The following SEMA4F variants were observed in gnomAD, a reference collection of about 807,000 sequenced individuals.
The protein encoded by SEMA4F is semaphorin-4F.
In SEMA4F, 51 loss-of-function variants were observed where a neutral mutation model predicts 78.4. The observed-to-expected ratio is 0.65, with a 90% CI of 0.52 to 0.82. SEMA4F has a LOEUF of 0.82. Among genes scored for constraint, SEMA4F ranks in the 40% least tolerant of loss-of-function variants. The pLI, the probability that SEMA4F is intolerant of heterozygous loss-of-function variation, is 0.00. For synonymous variants in SEMA4F, 418 were observed against 408.7 expected (o/e 1.02, Z -0.27); for missense variants, 938 against 1,014.4 (o/e 0.92, Z 1.02).
At chr2:74,704,630 G>T in the SEMA4F span, among the ~76,000 whole-genome samples, 2 of 151,856 alleles carry the variant, frequency 1.3e-5, no homozygotes, top group Admixed American at 6.6e-5. Flanking sequence ...ATTATTAGGG[G>T]ACAAATATTG....
chr2:74,675,094 C>A, intron 9 of SEMA4F, 59 bp downstream of exon 9: 2 of 1,613,218 alleles, frequency 1.2e-6, no homozygotes, highest in Non-Finnish European at 1.7e-6. Context: ...AAGGCAAGAG[C>A]CCCACTAAGC....
intron 5 of SEMA4F, among the ~76,000 whole-genome samples, chr2:74,664,902 T>C (rs532371279): frequency 5.3e-4 from 81 of 152,354 alleles, no homozygotes; most frequent in African/African-American, 1.9e-3. Context: ...ACATTTTTTC[T>C]TAAAAATTTT....
Position 74,654,387 on chromosome 2 carries a change from C to G in SEMA4F, c.11C>G (p.Ser4Cys), listed in dbSNP as rs187477207. 1.7e-3 allele frequency: 2,565 copies of G among 1,515,152 alleles called. 20 individuals carry two copies. The highest frequency in any genetic ancestry group is 6.4e-3 in the African/African-American group (443 of 69,400). The allele number at this position is 1,515,152 out of a possible 1,614,324, so 93.9% of individuals were successfully genotyped here. ...CAGGCGGAGCCAAAGATGCCGGCCT[C>G]TGCTGCGCGGCCCCGCCCGGGTCCC... is the stretch of plus-strand genomic sequence containing the variant. MPA[S>C]AARPRPGPGQ... The change falls in exon 1 of 14, where the codon TCT (serine) becomes TGT (cysteine). Residue 4 changes from serine (S) to cysteine (C), a missense_variant. Transcript: ENST00000357877.
the SEMA4F span, among the ~76,000 whole-genome samples, chr2:74,693,422 C>T: frequency 2.6e-5 from 4 of 152,212 alleles, no homozygotes; most frequent in Non-Finnish European, 5.9e-5. Flanking sequence ...CATTGTTTTT[C>T]ACACTTCCTC....
chr2:74,664,049 C>T (rs1251154677), intron 5 of SEMA4F, among the ~76,000 whole-genome samples: 5 of 152,164 alleles, frequency 3.3e-5, no homozygotes, highest in Non-Finnish European at 5.9e-5. Context: ...TGGAGAATGA[C>T]TGTCTAATTT....
chr2:74,696,583 AG>A, the SEMA4F span, among the ~76,000 whole-genome samples: 1 of 152,136 alleles, frequency 6.6e-6, no homozygotes, highest in African/African-American at 2.4e-5. Context: ...GAAGGGGGTG[AG>A]GGATAAAAAA....
the SEMA4F span, among the ~76,000 whole-genome samples, chr2:74,704,234 C>T: frequency 6.6e-5 from 10 of 151,278 alleles, no homozygotes; most frequent in Admixed American, 6.6e-4. Context: ...AGAGGGGCAG[C>T]ATTATTGATC....
At position 74,675,734 on chromosome 2, in the gene SEMA4F, A is replaced by T. The variant is rs1685241717; in HGVS notation, c.1483-15A>T. On this transcript the variant is annotated splice_polypyrimidine_tract_variant and intron_variant, in intron 11 of 13. Transcript: ENST00000357877. Reference sequence around the variant, plus strand: ...GAGATCCAGTGTATTCCCCTTCCCCACTCCGTTTTTATAGAGCTGGCTCCT... The same window carrying T: ...GAGATCCAGTGTATTCCCCTTCCCCTCTCCGTTTTTATAGAGCTGGCTCCT... 1 of 1,613,128 alleles carries T rather than the reference A, an allele frequency of 6.2e-7. No homozygotes were observed. The highest frequency in any genetic ancestry group is 1.3e-5 in the African/African-American group (1 of 74,800).
the SEMA4F span, among the ~76,000 whole-genome samples, chr2:74,690,627 C>T: frequency 4.6e-5 from 7 of 151,938 alleles, no homozygotes; most frequent in African/African-American, 1.5e-4. Flanking sequence ...GTGATTTTTC[C>T]GGAGAAATAC....
chr2:74,702,820 G>A, the SEMA4F span, among the ~76,000 whole-genome samples: 2 of 152,124 alleles, frequency 1.3e-5, no homozygotes, highest in South Asian at 2.1e-4. Flanking sequence ...GATATTCTGA[G>A]CTAGAAATAA....
rs1456065099 is a variant in SEMA4F at position 74,658,194 on chromosome 2, G to A, written c.456+243G>A. On this transcript the variant is annotated intron_variant, in intron 4 of 13. Transcript: ENST00000357877. The surrounding 1 kb of genome is among the most constrained non-coding windows in gnomAD (Gnocchi z 4.3). ...GAGGGTAAGATATACAAAGTGTGAA[G>A]AGAGACATAGTGGGATAGTTAAGGA... 6.6e-6 allele frequency among the ~76,000 whole-genome samples: 1 copy of A among 152,220 alleles called. No homozygotes were observed. Among genetic ancestry groups the A allele is most frequent in the East Asian group, 1.9e-4 (1 of 5,198 alleles).
chr2:74,701,246 C>T, the SEMA4F span, among the ~76,000 whole-genome samples: 1 of 152,164 alleles, frequency 6.6e-6, no homozygotes, highest in Non-Finnish European at 1.5e-5. Flanking sequence ...AGAGATGGGA[C>T]ACTGTTTATC....
At chr2:74,691,124 C>T in the SEMA4F span, among the ~76,000 whole-genome samples, 27 of 152,124 alleles carry the variant, frequency 1.8e-4, no homozygotes, top group African/African-American at 6.5e-4. Flanking sequence ...AGGTTTCTTT[C>T]CCCTCCATTA....
the SEMA4F span, among the ~76,000 whole-genome samples, chr2:74,695,869 A>G: frequency 6.6e-6 from 1 of 152,200 alleles, no homozygotes; most frequent in African/African-American, 2.4e-5. Context: ...ACGAAAGGGC[A>G]CAGAAGGGAG....
intron 1 of SEMA4F, among the ~76,000 whole-genome samples, chr2:74,656,241 C>T (rs926341407): frequency 3.9e-5 from 6 of 152,068 alleles, no homozygotes; most frequent in African/African-American, 1.4e-4. Context: ...AACTCCTGAC[C>T]TCAAGTGATC....
At chr2:74,679,153 A>G (rs1685439646) in intron 12 of SEMA4F, 123 bp from the exon 13 acceptor site, 1 of 828,592 alleles carries the variant, frequency 1.2e-6, no homozygotes, top group Non-Finnish European at 2.1e-6. Context: ...AACTTGACTG[A>G]TAATTTCTGG....
At chr2:74,698,870 A>G in the SEMA4F span, among the ~76,000 whole-genome samples, 1 of 152,252 alleles carries the variant, frequency 6.6e-6, no homozygotes, top group East Asian at 1.9e-4. Context: ...TGCCCAATTA[A>G]TAAGCAGCAG....
chr2:74,686,710 A>G (rs558946473), downstream of SEMA4F, among the ~76,000 whole-genome samples: 5 of 152,234 alleles, frequency 3.3e-5, no homozygotes, highest in Middle Eastern at 3.2e-3. Context: ...AAAAAGAATG[A>G]ATTCATGTCC....
Position 74,679,758 on chromosome 2 carries a change from G to A in SEMA4F, c.1862G>A (p.Gly621Glu), listed in dbSNP as rs1347747694. The change falls in exon 14 of 14, where the codon GGG (glycine) becomes GAG (glutamate). Residue 621 changes from glycine (G) to glutamate (E), a missense_variant. Gly to Glu is a moderately conservative substitution (Grantham distance 98, BLOSUM62 -2). Transcript: ENST00000357877. The part of the protein sequence containing the change: ...RDGLEVVVTP[G>E]AMGAYACECQ... ...GGACTGGAGGTGGTGGTGACCCCAG[G>A]GGCCATGGGCGCTTATGCCTGTGAA... 4 of 1,614,046 alleles carry A rather than the reference G, an allele frequency of 2.5e-6. No individual in the cohort carries two copies. Among genetic ancestry groups the A allele is most frequent in the East Asian group, 4.5e-5 (2 of 44,890 alleles).
Sources: allele counts gnomAD v4.1 joint callset (sites outside exome capture counted in the v4.1 genomes callset), GRCh38; gene constraint gnomAD v4.1.1; non-coding constraint Gnocchi (gnomAD v3.1); transcripts MANE v1.5; gene names NCBI Gene and HGNC (gene_info 2026-07-23, HGNC 2026-07-21).